Variants in ZRANB1 observed in about 807,000 individuals in gnomAD.
ZRANB1 encodes the protein ubiquitin thioesterase ZRANB1.
Under a neutral mutation model 80.5 loss-of-function variants are expected in ZRANB1, and 16 were observed. That is an observed-to-expected ratio of 0.20 (90% CI 0.13 to 0.30). The LOEUF is 0.30. ZRANB1 is among the 10% of genes least tolerant of loss of function. The probability of loss-of-function intolerance (pLI) is 1.00; values close to 1 mark genes in which losing one functional copy is unlikely to be tolerated. For missense variants in ZRANB1, 576 were observed against 862.6 expected, an observed-to-expected ratio of 0.67 and a Z score of 4.16; for synonymous variants, 291 against 293.1, an observed-to-expected ratio of 0.99 and a Z score of 0.07.
chr10:124,940,045 G>T (rs1385073657), upstream of ZRANB1, among the ~76,000 whole-genome samples: 1 of 151,950 alleles, frequency 6.6e-6, no homozygotes, highest in Non-Finnish European at 1.5e-5. Context: ...TACTTTTTTG[G>T]ATTTTATCAT....
the ZRANB1 span, among the ~76,000 whole-genome samples, chr10:124,922,243 ATTATATATATATGTAAAATAT>A: frequency 8.7e-6 from 1 of 114,308 alleles, no homozygotes; most frequent in Non-Finnish European, 1.8e-5. Flanking sequence ...CTGAGCCCAA[ATTATATATATATGTAAAATAT>A]ATATATATAT....
At chr10:124,932,281 ATTTTTTTTTTTTTTTT>A in the ZRANB1 span, among the ~76,000 whole-genome samples, 1 of 115,290 alleles carries the variant, frequency 8.7e-6, no homozygotes, top group Non-Finnish European at 1.7e-5. Context: ...GGGTGTAAAG[ATTTTTTTTTTTTTTTT>A]TTTTTTTTTT....
intron 5 of ZRANB1, among the ~76,000 whole-genome samples, chr10:124,977,634 C>G (rs2133991520): frequency 6.8e-6 from 1 of 146,006 alleles, no homozygotes; most frequent in Non-Finnish European, 1.5e-5. Context: ...TTGTTTGAGC[C>G]TGGAAGGTTG....
chr10:124,920,387 C>T, the ZRANB1 span, among the ~76,000 whole-genome samples: 6 of 152,292 alleles, frequency 3.9e-5, no homozygotes, highest in East Asian at 1.2e-3. Flanking sequence ...CATTTGAACA[C>T]TCTTACCTCC....
Position 124,943,037 on chromosome 10 carries a change from G to A in ZRANB1, c.544G>A (p.Ala182Thr), listed in dbSNP as rs1309255427. The A allele has an allele frequency of 1.2e-6, 2 of 1,614,238 alleles. No homozygotes were observed. Among genetic ancestry groups the A allele is most frequent in the South Asian group, 1.1e-5 (1 of 91,090 alleles). Residue 182 changes from alanine (A) to threonine (T), a missense_variant, in exon 1 of 9, where the codon GCA (alanine) becomes ACA (threonine). By Grantham distance (58) the Ala-to-Thr change is moderately conservative. Coordinates refer to ENST00000359653, the MANE Select transcript of ZRANB1 (RefSeq NM_017580.3). ...CDHPRPNNIE[A>T]IELAETEEAS... Reference sequence around the variant, plus strand: ...TCATCCCAGACCTAATAACATTGAAGCAATAGAATTGGCAGAGACTGAAGA... The same window carrying A: ...TCATCCCAGACCTAATAACATTGAAACAATAGAATTGGCAGAGACTGAAGA...
rs151170984 is a variant in ZRANB1, at chr10:124,942,993, A to G, written c.500A>G (p.Lys167Arg). The G allele has an allele frequency of 1.2e-6, 2 of 1,614,216 alleles. No homozygotes were observed. The highest frequency in any genetic ancestry group is 3.3e-5 in the Admixed American group (2 of 60,034). Residue 167 changes from lysine (K) to arginine (R), a missense_variant, in exon 1 of 9, where the codon AAA becomes AGA. Coordinates refer to ENST00000359653, the MANE Select transcript of ZRANB1 (RefSeq NM_017580.3). Reference sequence around the variant, plus strand: ...ACATATGAAAACTGGGCCAAGGCTAAAAGATGTGTTGTTTGTGATCATCCC... The same window carrying G: ...ACATATGAAAACTGGGCCAAGGCTAGAAGATGTGTTGTTTGTGATCATCCC... Reference protein sequence around the residue: ...VCTYENWAKAKRCVVCDHPRP... With the variant: ...VCTYENWAKARRCVVCDHPRP...
intron 8 of ZRANB1, among the ~76,000 whole-genome samples, chr10:124,984,023 GC>G (rs1346991198): frequency 2.0e-5 from 3 of 152,108 alleles, no homozygotes; most frequent in African/African-American, 7.2e-5. Flanking sequence ...AAGAGGGGAA[GC>G]AACAGGGAAA....
the ZRANB1 span, among the ~76,000 whole-genome samples, chr10:124,919,736 C>G: frequency 8.6e-5 from 13 of 151,088 alleles, no homozygotes; most frequent in Non-Finnish European, 1.9e-4. Flanking sequence ...CTCATCCTCC[C>G]GAGTAGCTGG....
the ZRANB1 span, among the ~76,000 whole-genome samples, chr10:124,923,977 A>G: frequency 6.7e-6 from 1 of 150,094 alleles, no homozygotes; most frequent in African/African-American, 2.5e-5. Context: ...TATTGTTCAT[A>G]TATTGAGGGC....
chr10:124,923,654 G>A, the ZRANB1 span, among the ~76,000 whole-genome samples: 59 of 152,014 alleles, frequency 3.9e-4, 1 homozygote, highest in South Asian at 0.012. Flanking sequence ...TCATGACTGG[G>A]GAGGCTTCAT....
chr10:124,941,190 C>G (rs982707561), upstream of ZRANB1, among the ~76,000 whole-genome samples: 1 of 74,690 alleles, frequency 1.3e-5, no homozygotes, highest in East Asian at 4.4e-4. Flanking sequence ...TGTCTAAATT[C>G]AAGCCATTAA....
chr10:124,966,297 T>C (rs1318448800), intron 1 of ZRANB1, among the ~76,000 whole-genome samples: 1 of 152,002 alleles, frequency 6.6e-6, no homozygotes, highest in Non-Finnish European at 1.5e-5. Context: ...TTTCTCATAC[T>C]AGATTATTGA....
chr10:124,974,734 A>T (rs1038671721), intron 5 of ZRANB1, among the ~76,000 whole-genome samples: 1 of 152,250 alleles, frequency 6.6e-6, no homozygotes, highest in Admixed American at 6.5e-5. Context: ...TTCAAGTTAT[A>T]TATAGTAGCC....
chr10:124,980,143 A>G (rs1951919730), intron 5 of ZRANB1, among the ~76,000 whole-genome samples: 1 of 152,182 alleles, frequency 6.6e-6, no homozygotes. Context: ...CAGCTTGACA[A>G]TATTGAGCCT....
chr10:124,945,409 A>ATTTTTTTTTTTTTTTTTTTTT (rs57697692), intron 1 of ZRANB1: 6 of 123,548 alleles, frequency 4.9e-5, no homozygotes, highest in Admixed American at 1.7e-4. Context: ...TCTTAAAATC[A>ATTTTTTTTTTTTTTTTTTTTT]TTTTTTTTTT....
chr10:124,919,281 A>ATGCCTATAATCCCAGCACT, the ZRANB1 span, among the ~76,000 whole-genome samples: 29 of 152,352 alleles, frequency 1.9e-4, no homozygotes, highest in African/African-American at 7.0e-4. Flanking sequence ...CCCGTGGCTC[A>ATGCCTATAATCCCAGCACT]TGCCTATAAT....
At chr10:124,975,658 G>A (rs115203201) in intron 5 of ZRANB1, among the ~76,000 whole-genome samples, 2,005 of 152,186 alleles carry the variant, frequency 0.013, 49 homozygotes, top group African/African-American at 0.046. Context: ...ATGAGCCACC[G>A]TGCCCGGCCT....
Position 124,988,017 on chromosome 10 carries a change from A to T in ZRANB1, c.*3025A>T, listed in dbSNP as rs948932409. On this transcript the variant is annotated 3_prime_UTR_variant, in exon 9 of 9. Transcript: ENST00000359653. ...CCCTCCCTTGAACCAGGTCCAGGTC[A>T]TTTTGCTTTGGGGTAGATTAAAGTC... 5.2e-5 allele frequency: 8 copies of T among 152,500 alleles called. No individual in the cohort carries two copies. Among genetic ancestry groups the T allele is most frequent in the African/African-American group, 1.9e-4 (8 of 41,398 alleles). The allele number at this position is 152,500 out of a possible 1,614,324, so 9.4% of individuals were successfully genotyped here.
At chr10:124,934,997 A>T in the ZRANB1 span, among the ~76,000 whole-genome samples, 1 of 152,248 alleles carries the variant, frequency 6.6e-6, no homozygotes, top group Non-Finnish European at 1.5e-5. Context: ...TGGATTATAG[A>T]ACCAGAGAGC....
Sources: gnomAD v4.1 joint callset for allele counts (sites outside exome capture counted in the v4.1 genomes callset) on GRCh38, gnomAD v4.1.1 for gene constraint, MANE v1.5 for transcripts, NCBI Gene and HGNC (gene_info 2026-07-23, HGNC 2026-07-21) for gene names.